DKK2: variants seen among roughly 807,000 people sequenced by gnomAD.
The protein encoded by DKK2 is dickkopf Wnt signaling pathway inhibitor 2, also known as dickkopf-related protein 2.
Under a neutral mutation model 28.1 loss-of-function variants are expected in DKK2, and 11 were observed. The observed-to-expected ratio is 0.39, with a 90% CI of 0.25 to 0.65. The LOEUF (loss-of-function observed/expected upper bound fraction) is 0.65, where lower values mean the gene tolerates loss of function less well. Among genes scored for constraint, DKK2 ranks in the 30% least tolerant of loss-of-function variants. The pLI, the probability that DKK2 is intolerant of heterozygous loss-of-function variation, is 0.47. For missense variants in DKK2, 326 were observed against 335.5 expected (o/e 0.97, Z 0.22); for synonymous variants, 135 against 126.5 (o/e 1.07, Z -0.45).
At chr4:106,980,819 C>G (rs1290866281) in intron 1 of DKK2, among the ~76,000 whole-genome samples, 1 of 152,110 alleles carries the variant, frequency 6.6e-6, no homozygotes, top group African/African-American at 2.4e-5. Context: ...TATGAAGGCA[C>G]TTGGAGAATG....
At chr4:107,034,420 G>A (rs966176528) in intron 1 of DKK2, among the ~76,000 whole-genome samples, 10 of 151,640 alleles carry the variant, frequency 6.6e-5, no homozygotes, top group Non-Finnish European at 4.4e-5. Flanking sequence ...AGTGCCCACA[G>A]AGCCCCCTCT....
intron 1 of DKK2, among the ~76,000 whole-genome samples, chr4:107,021,402 A>C (rs1723689510): frequency 6.6e-6 from 1 of 152,142 alleles, no homozygotes; most frequent in Admixed American, 6.6e-5. Context: ...ATATCAAAGG[A>C]ATGAGTTCTC....
chr4:106,956,655 G>A (rs1722596959), intron 1 of DKK2, among the ~76,000 whole-genome samples: 1 of 152,194 alleles, frequency 6.6e-6, no homozygotes, highest in South Asian at 2.1e-4. Context: ...ATGGGGAAAG[G>A]ATTCCCTATT....
At chr4:107,027,500 A>T (rs940661189) in intron 1 of DKK2, among the ~76,000 whole-genome samples, 3 of 152,076 alleles carry the variant, frequency 2.0e-5, no homozygotes, top group Non-Finnish European at 4.4e-5. Flanking sequence ...GAAACAATGA[A>T]TTCCCAGTTT....
chr4:106,937,698 A>G (rs1275202176), intron 1 of DKK2, among the ~76,000 whole-genome samples: 1 of 144,944 alleles, frequency 6.9e-6, no homozygotes, highest in Non-Finnish European at 1.5e-5. Context: ...CTATTCCAAA[A>G]TTGACCACAT....
At chr4:106,968,310 C>T (rs1044360811) in intron 1 of DKK2, among the ~76,000 whole-genome samples, 24 of 152,058 alleles carry the variant, frequency 1.6e-4, no homozygotes, top group Non-Finnish European at 2.9e-4. Flanking sequence ...TGAACTTTCT[C>T]CAAAACATCC....
At chr4:106,991,276 G>A (rs1723199748) in intron 1 of DKK2, among the ~76,000 whole-genome samples, 1 of 152,060 alleles carries the variant, frequency 6.6e-6, no homozygotes, top group Non-Finnish European at 1.5e-5. Context: ...ATCTACTACA[G>A]CTGCCTTTTC....
At chr4:107,021,965 T>C (rs910590863) in intron 1 of DKK2, among the ~76,000 whole-genome samples, 3 of 152,072 alleles carry the variant, frequency 2.0e-5, no homozygotes, top group Non-Finnish European at 4.4e-5. Flanking sequence ...CATTTTCTGT[T>C]AATGAGGAAA....
At chr4:106,955,017 A>G (rs184179021) in intron 1 of DKK2, among the ~76,000 whole-genome samples, 18 of 152,310 alleles carry the variant, frequency 1.2e-4, no homozygotes, top group Admixed American at 1.0e-3. Flanking sequence ...CTTTGCTTCA[A>G]TTGAAGAGAC....
rs1438622797 is a variant in DKK2, at chr4:106,937,057, A to C, written c.223-11108T>G. On this transcript the variant is annotated intron_variant, in intron 1 of 3. Transcript: ENST00000285311. ...TCAAGACTAGGAAGAAACTGCATCAACTAATGAGCAAAATAACCAGCTAAC... is the reference window on the plus strand; with the variant it reads ...TCAAGACTAGGAAGAAACTGCATCACCTAATGAGCAAAATAACCAGCTAAC... Among the ~76,000 whole-genome samples the C allele has an allele frequency of 3.9e-5, 6 of 152,282 alleles. No individual in the cohort carries two copies. The East Asian group carries it at 1.2e-3, about 29-fold the overall frequency.
chr4:106,943,728 A>G (rs1724736313), intron 1 of DKK2, among the ~76,000 whole-genome samples: 1 of 152,072 alleles, frequency 6.6e-6, no homozygotes, highest in Admixed American at 6.6e-5. Flanking sequence ...CATGTTTTTC[A>G]TCTGTAAATT....
intron 1 of DKK2, among the ~76,000 whole-genome samples, chr4:107,016,368 G>A (rs546838792): frequency 2.0e-5 from 3 of 151,872 alleles, no homozygotes; most frequent in Admixed American, 6.6e-5. Context: ...TGCCCTGGCC[G>A]TGACAGATTT....
chr4:107,032,529 G>C (rs1480780883), intron 1 of DKK2, among the ~76,000 whole-genome samples: 5 of 151,936 alleles, frequency 3.3e-5, no homozygotes, highest in Non-Finnish European at 7.4e-5. Flanking sequence ...ATTTATTCAA[G>C]AATTTCTTCT....
At chr4:106,980,520 T>C (rs1723012347) in intron 1 of DKK2, among the ~76,000 whole-genome samples, 2 of 152,188 alleles carry the variant, frequency 1.3e-5, no homozygotes, top group African/African-American at 4.8e-5. Context: ...CTGCATTATG[T>C]TAGATAACTC....
chr4:106,974,715 T>A (rs1271529817), intron 1 of DKK2, among the ~76,000 whole-genome samples: 2 of 152,208 alleles, frequency 1.3e-5, no homozygotes, highest in African/African-American at 2.4e-5. Context: ...CCTCTCTTCC[T>A]ATTTGAATAC....
intron 1 of DKK2, among the ~76,000 whole-genome samples, chr4:106,936,293 C>A (rs995310212): frequency 1.3e-5 from 2 of 151,930 alleles, no homozygotes; most frequent in African/African-American, 4.8e-5. Context: ...AGCTGAAAAC[C>A]AAGGCTCAAG....
intron 1 of DKK2, among the ~76,000 whole-genome samples, chr4:107,015,917 CTGAT>C (rs1334643834): frequency 6.6e-6 from 1 of 151,700 alleles, no homozygotes; most frequent in African/African-American, 2.4e-5. Flanking sequence ...ATGTACCACT[CTGAT>C]AGATAAAGAA....
At chr4:106,982,482 G>A (rs1252266736) in intron 1 of DKK2, among the ~76,000 whole-genome samples, 2 of 152,104 alleles carry the variant, frequency 1.3e-5, no homozygotes, top group African/African-American at 4.8e-5. Flanking sequence ...CGTATAACAG[G>A]GAGGGCTGAT....
intron 1 of DKK2, among the ~76,000 whole-genome samples, chr4:107,026,408 C>G (rs976619124): frequency 3.9e-5 from 6 of 152,002 alleles, no homozygotes; most frequent in African/African-American, 1.5e-4. Context: ...TAAATATATA[C>G]TGTTTAAAAT....
Sources: allele counts gnomAD v4.1 joint callset (sites outside exome capture counted in the v4.1 genomes callset), GRCh38; gene constraint gnomAD v4.1.1; transcripts MANE v1.5; gene names NCBI Gene and HGNC (gene_info 2026-07-23, HGNC 2026-07-21).